Variants in ABL1 observed in about 807,000 individuals in gnomAD.
The protein encoded by ABL1 is ABL proto-oncogene 1, non-receptor tyrosine kinase.
Under a neutral mutation model 94.7 loss-of-function variants are expected in ABL1, and 11 were observed. The observed-to-expected ratio is 0.12, with a 90% CI of 0.07 to 0.19. The LOEUF is 0.19. ABL1 is among the 10% of genes least tolerant of loss of function. The pLI, the probability that ABL1 is intolerant of heterozygous loss-of-function variation, is 1.00. For synonymous variants in ABL1, 656 were observed against 622.4 expected (o/e 1.05, Z -0.80); for missense variants, 1,082 against 1,489.4 (o/e 0.73, Z 4.50).
At position 130,835,458 on chromosome 9, in the gene ABL1, C is replaced by T. The variant is rs1354323829; in HGVS notation, c.12C>T (p.Ile4=). 12 of 1,557,408 alleles carry T rather than the reference C, an allele frequency of 7.7e-6. No homozygotes were observed. In the African/African-American group the frequency reaches 1.5e-4, roughly 19 times the overall value. MLE[I]CLKLVGCKSK... ...GCTGGCGCGGGAAAATGTTGGAGAT[C>T]TGCCTGAAGCTGGTGGGCTGCAAAT... The change falls in exon 1 of 11, where the codon ATC becomes ATT. Residue 4 remains isoleucine (I), a synonymous_variant. Coordinates refer to ENST00000318560, the MANE Select transcript of ABL1 (RefSeq NM_005157.6). The surrounding 1 kb of genome is among the most constrained non-coding windows in gnomAD (Gnocchi z 4.6).
rs1342974365 is a variant in ABL1 at position 130,814,463 on chromosome 9, C to T, written c.137-39601C>T. On this transcript the variant is annotated intron_variant, in intron 1 of 10. Coordinates refer to the ABL1 transcript ENST00000372348. The surrounding 1 kb of genome is among the most constrained non-coding windows in gnomAD (Gnocchi z 4.4). ...GGGAAGACAATAACTGTAATATCAG[C>T]AGTGAAAGAGATGACATCACACAGA... Among the ~76,000 whole-genome samples the T allele has an allele frequency of 1.3e-5, 2 of 152,184 alleles. No individual in the cohort carries two copies. The highest frequency in any genetic ancestry group is 3.8e-4 in the East Asian group (2 of 5,204).
At chr9:130,840,654 T>C (rs1830656698) in intron 1 of ABL1, among the ~76,000 whole-genome samples, 1 of 152,216 alleles carries the variant, frequency 6.6e-6, no homozygotes, top group African/African-American at 2.4e-5. Context: ...TTGTTTGTTC[T>C]TTTTTAGTGT....
At chr9:130,845,514 G>C (rs1480605483) in intron 1 of ABL1, among the ~76,000 whole-genome samples, 2 of 151,894 alleles carry the variant, frequency 1.3e-5, no homozygotes, top group East Asian at 3.9e-4. Context: ...GCTAATTGTT[G>C]TATTTTTAGT....
intron 1 of ABL1, among the ~76,000 whole-genome samples, chr9:130,786,418 C>T (rs1440631016): frequency 6.6e-6 from 1 of 152,108 alleles, no homozygotes; most frequent in Non-Finnish European, 1.5e-5. Context: ...CTAATGGATG[C>T]CAAATAGATG....
chr9:130,875,762 C>T (rs1320646591), intron 7 of ABL1, among the ~76,000 whole-genome samples: 1 of 152,118 alleles, frequency 6.6e-6, no homozygotes, highest in African/African-American at 2.4e-5. Context: ...TGTGCCCTTC[C>T]ATCAGTAGAT....
rs116408043 is a variant in ABL1 at position 130,735,323 on chromosome 9, C to T, written c.136+20868C>T. 2.3e-3 allele frequency among the ~76,000 whole-genome samples: 357 copies of T among 152,310 alleles called. 2 individuals carry two copies. The highest frequency in any genetic ancestry group is 8.0e-3 in the African/African-American group (332 of 41,558). ...GGGAATACAGGTATGAGCCACTGTG[C>T]TAGGCCTAAATTGAACACTTTTGAA... On this transcript the variant is annotated intron_variant, in intron 1 of 10. Coordinates refer to the ABL1 transcript ENST00000372348.
intron 1 of ABL1, among the ~76,000 whole-genome samples, chr9:130,845,987 CCCCACTG>C (rs1830763259): frequency 1.3e-5 from 2 of 152,128 alleles, no homozygotes; most frequent in South Asian, 4.1e-4. Flanking sequence ...TACGTCTTTC[CCCCACTG>C]CCCTGCCCCT....
chr9:130,769,673 TTA>T (rs1255330741), intron 1 of ABL1, among the ~76,000 whole-genome samples: 1 of 152,146 alleles, frequency 6.6e-6, no homozygotes, highest in Non-Finnish European at 1.5e-5. Context: ...GTATTATTTT[TTA>T]GTCAGGTTTA....
In ABL1 at chr9:130,887,013, C is replaced by A. The variant is rs973128062; in HGVS notation, c.*1330C>A. The A allele has an allele frequency of 5.2e-5, 12 of 232,950 alleles. No individual in the cohort carries two copies. The highest frequency in any genetic ancestry group is 6.8e-5 in the Non-Finnish European group (8 of 117,934). 14.4% of individuals were successfully genotyped at this position (232,950 alleles called of 1,614,324 possible). ...TCACAGAGCACGCCTGCCATCTTCT[C>A]CCCGAGGCTGCCCCAGGCCGGAGCC... On this transcript the variant is annotated 3_prime_UTR_variant, in exon 11 of 11. Coordinates refer to ENST00000318560, the MANE Select transcript of ABL1 (RefSeq NM_005157.6).
At position 130,884,638 on chromosome 9, in the gene ABL1, C is replaced by T. The variant is rs1221027936; in HGVS notation, c.2348C>T (p.Pro783Leu). The T allele has an allele frequency of 6.2e-7, 1 of 1,613,286 alleles. No homozygotes were observed. Among genetic ancestry groups the T allele is most frequent in the Non-Finnish European group, 8.5e-7 (1 of 1,179,996 alleles). The part of the protein sequence containing the change: ...DQVTRGTVTP[P>L]PRLVKKNEEA... Reference sequence around the variant, plus strand: ...GTGACCCGAGGCACAGTAACGCCTCCCCCCAGGCTGGTGAAAAAGAATGAG... The same window carrying T: ...GTGACCCGAGGCACAGTAACGCCTCTCCCCAGGCTGGTGAAAAAGAATGAG... The change falls in exon 11 of 11, where the codon CCC becomes CTC. Residue 783 changes from proline to leucine, a missense_variant. This residue lies in a region of ABL1 where 780 missense variants were observed against 835.8 expected (regional missense o/e 0.93). Coordinates refer to ENST00000318560, the MANE Select transcript of ABL1 (RefSeq NM_005157.6). The surrounding 1 kb of genome is among the most constrained non-coding windows in gnomAD (Gnocchi z 5.6).
chr9:130,819,474 CA>C (rs1830330052), intron 1 of ABL1, among the ~76,000 whole-genome samples: 2 of 150,750 alleles, frequency 1.3e-5, no homozygotes, highest in African/African-American at 4.9e-5. Flanking sequence ...TCTGATAAGT[CA>C]AGCATTTTTA....
rs888824105 is a variant in ABL1, at chr9:130,882,543, C to CT, written c.1679-1416dup. ...AGCTTGGCAACACCAAAAAGATTTC[C>CT]TTTTTTTTTTGAGATGGAGTCTCAC... On this transcript the variant is annotated intron_variant, in intron 10 of 10. Transcript: ENST00000318560. Among the ~76,000 whole-genome samples the CT allele has an allele frequency of 6.9e-4, 102 of 148,708 alleles. 1 individual carries two copies. Among genetic ancestry groups the CT allele is most frequent in the South Asian group, 2.2e-3 (10 of 4,650 alleles).
chr9:130,834,558 A>G (rs1203138321), upstream of ABL1, among the ~76,000 whole-genome samples: 2 of 152,232 alleles, frequency 1.3e-5, no homozygotes, highest in Non-Finnish European at 2.9e-5. Context: ...ACTCGGCCAA[A>G]GGAAGAGGAA....
intron 1 of ABL1, among the ~76,000 whole-genome samples, chr9:130,723,730 A>G (rs1408247808): frequency 1.3e-5 from 2 of 152,160 alleles, no homozygotes; most frequent in African/African-American, 4.8e-5. Context: ...ACTTCCTAGT[A>G]GTATTTCCTA....
rs573602038 is a variant in ABL1, at chr9:130,735,961, A to ATATATATTTT, written c.136+21507_136+21508insATATATTTTT. Reference sequence around the variant, plus strand: ...TATATATATATATATATATATATATATTTTTTTTTTTTAAGACAGGGTCTG... The same window carrying ATATATATTTT: ...TATATATATATATATATATATATATATATATATTTTTTTTTTTTTTTTAAGACAGGGTCTG... On this transcript the variant is annotated intron_variant, in intron 1 of 10. Coordinates refer to the ABL1 transcript ENST00000372348. Among the ~76,000 whole-genome samples the ATATATATTTT allele has an allele frequency of 3.9e-3, 372 of 94,750 alleles. 3 individuals are homozygous for ATATATATTTT. Among genetic ancestry groups the ATATATATTTT allele is most frequent in the African/African-American group, 6.0e-3 (94 of 15,672 alleles). 62.2% of individuals were successfully genotyped at this position (94,750 alleles called of 152,430 possible). A position where few individuals can be genotyped will look rare whatever the true frequency, so the allele number is the denominator to read the frequency against.
At chr9:130,804,901 A>G (rs1320239217) in intron 1 of ABL1, among the ~76,000 whole-genome samples, 1 of 152,220 alleles carries the variant, frequency 6.6e-6, no homozygotes, top group Non-Finnish European at 1.5e-5. Context: ...AAGCCAGCTC[A>G]TATTAAGTAG....
intron 1 of ABL1, among the ~76,000 whole-genome samples, chr9:130,750,196 T>TAG (rs1831939257): frequency 6.9e-5 from 1 of 14,418 alleles, no homozygotes; most frequent in Non-Finnish European, 1.0e-4. Flanking sequence ...AAAATACATA[T>TAG]ATATATATAT....
chr9:130,821,032 C>T (rs1025925798), intron 1 of ABL1, among the ~76,000 whole-genome samples: 10 of 151,998 alleles, frequency 6.6e-5, no homozygotes, highest in African/African-American at 1.7e-4. Context: ...CGGGTTCAAG[C>T]GATTCTCCTG....
chr9:130,847,176 GGAGT>G (rs1830786583), intron 1 of ABL1, among the ~76,000 whole-genome samples: 1 of 152,036 alleles, frequency 6.6e-6, no homozygotes, highest in Admixed American at 6.5e-5. Flanking sequence ...GGTTTTAAGT[GGAGT>G]GAGAGGCACT....
Sources: gnomAD v4.1 joint callset for allele counts (sites outside exome capture counted in the v4.1 genomes callset) on GRCh38, gnomAD v4.1.1 for gene constraint, gnomAD v4.1.1 regional missense constraint, Gnocchi (gnomAD v3.1) non-coding constraint, MANE v1.5 for transcripts, NCBI Gene and HGNC (gene_info 2026-07-23, HGNC 2026-07-21) for gene names.